Variants in GML observed in about 807,000 individuals in gnomAD.
The protein encoded by GML is glycosylphosphatidylinositol anchored molecule like.
A neutral mutation model predicts 8.2 loss-of-function variants in GML; 5 were observed. The observed-to-expected ratio is 0.61, with a 90% confidence interval of 0.32 to 1.28. The LOEUF (loss-of-function observed/expected upper bound fraction) is 1.28. GML is among the 50% of genes most tolerant of loss of function. The pLI, the probability that GML is intolerant of heterozygous loss-of-function variation, is 0.06. For synonymous variants in GML, 72 were observed against 69.0 expected, an observed-to-expected ratio of 1.04 and a Z score of -0.22; for missense variants, 191 against 198.3, an observed-to-expected ratio of 0.96 and a Z score of 0.22.
chr8:142,837,440 G>A (rs1316834895), intron 1 of GML, among the ~76,000 whole-genome samples: 9 of 152,050 alleles, frequency 5.9e-5, no homozygotes, highest in African/African-American at 4.8e-5. Flanking sequence ...TGGGTGAACC[G>A]AGGCTTAGAG....
At chr8:142,840,012 C>A (rs1049091720) in intron 1 of GML, among the ~76,000 whole-genome samples, 3 of 146,958 alleles carry the variant, frequency 2.0e-5, no homozygotes, top group East Asian at 3.9e-4. Context: ...GAGCGGGAAG[C>A]GCGTCAGTGG....
rs948691460 is a variant in GML, at chr8:142,843,985, G to A, written c.182-2410G>A. On this transcript the variant is annotated intron_variant, in intron 3 of 3. Coordinates refer to ENST00000220940, the MANE Select transcript of GML (RefSeq NM_002066.3). ...GTTTGTGTTTTGACAAGTTGGTGCC[G>A]AATGCTTTTTGAAAATATGAAGGGC... Among the ~76,000 whole-genome samples, 7 of 152,148 alleles carry A rather than the reference G, an allele frequency of 4.6e-5. 1 individual carries two copies. In the East Asian group the frequency reaches 7.7e-4, roughly 17 times the overall value.
At chr8:142,839,950 T>C (rs1816401632) in intron 1 of GML, among the ~76,000 whole-genome samples, 1 of 152,086 alleles carries the variant, frequency 6.6e-6, no homozygotes, top group Non-Finnish European at 1.5e-5. Flanking sequence ...TGTTCTGCCC[T>C]CGCTCCCCTT....
rs373392710 is a variant in GML, at chr8:142,836,511, T to G, written c.-23+1643T>G. 3.3e-5 allele frequency among the ~76,000 whole-genome samples: 5 copies of G among 152,394 alleles called. No individual in the cohort carries two copies. The East Asian group carries it at 5.8e-4, about 18-fold the overall frequency. On this transcript the variant is annotated intron_variant, in intron 1 of 3. Coordinates refer to ENST00000220940, the MANE Select transcript of GML (RefSeq NM_002066.3). Reference sequence around the variant, plus strand: ...CTCATTAGAATTTTTAAAGTACTTGTATGCTAATGTCAACATTTGAGTGAA... The same window carrying G: ...CTCATTAGAATTTTTAAAGTACTTGGATGCTAATGTCAACATTTGAGTGAA...
At chr8:142,840,545 A>G (rs180916516) in intron 2 of GML, 35 bp downstream of exon 2, 3 of 1,457,852 alleles carry the variant, frequency 2.1e-6, no homozygotes, top group East Asian at 4.5e-5. Flanking sequence ...CCTGGAGAGG[A>G]CGAGAATTCA....
At chr8:142,839,651 G>A (rs771489261) in intron 1 of GML, among the ~76,000 whole-genome samples, 5 of 152,172 alleles carry the variant, frequency 3.3e-5, no homozygotes, top group East Asian at 3.9e-4. Flanking sequence ...CCCTTGAGTC[G>A]GGCTGCTGAA....
chr8:142,836,632 G>A (rs1252010654), intron 1 of GML, among the ~76,000 whole-genome samples: 1 of 152,072 alleles, frequency 6.6e-6, no homozygotes, highest in Non-Finnish European at 1.5e-5. Flanking sequence ...ATCTTGCGTT[G>A]CGTACAAAAT....
chr8:142,838,166 C>T (rs1414089991), intron 1 of GML, among the ~76,000 whole-genome samples: 1 of 151,026 alleles, frequency 6.6e-6, no homozygotes, highest in African/African-American at 2.4e-5. Flanking sequence ...GATTGATTTG[C>T]CTGGTTGTCA....
intron 1 of GML, among the ~76,000 whole-genome samples, chr8:142,835,414 GGGT>G (rs1160102530): frequency 1.3e-5 from 2 of 152,202 alleles, no homozygotes; most frequent in Admixed American, 1.3e-4. Flanking sequence ...CCCAAGGCGC[GGGT>G]CTCGGGCCGC....
chr8:142,835,244 C>T (rs1364085616), intron 1 of GML, among the ~76,000 whole-genome samples: 2 of 150,468 alleles, frequency 1.3e-5, no homozygotes, highest in African/African-American at 4.9e-5. Flanking sequence ...GCTCAGGGGT[C>T]CCAGGGAGAT....
intron 1 of GML, among the ~76,000 whole-genome samples, chr8:142,835,993 A>G (rs1225208689): frequency 6.6e-6 from 1 of 152,234 alleles, no homozygotes; most frequent in African/African-American, 2.4e-5. Context: ...GTCTGAAGCC[A>G]TCTTAAGCTT....
At chr8:142,839,407 A>G (rs1435384585) in intron 1 of GML, among the ~76,000 whole-genome samples, 1 of 152,202 alleles carries the variant, frequency 6.6e-6, no homozygotes, top group African/African-American at 2.4e-5. Context: ...CAAAGTGGGT[A>G]CTGGATCCTG....
At chr8:142,845,695 C>T (rs1346907559) in intron 3 of GML, among the ~76,000 whole-genome samples, 1 of 152,196 alleles carries the variant, frequency 6.6e-6, no homozygotes, top group Non-Finnish European at 1.5e-5. Context: ...CATTGGTCAG[C>T]TGAGGCCACT....
At chr8:142,845,791 C>G (rs1044557450) in intron 3 of GML, among the ~76,000 whole-genome samples, 43 of 152,100 alleles carry the variant, frequency 2.8e-4, no homozygotes, top group Non-Finnish European at 2.8e-4. Context: ...AGGGCTTGTC[C>G]ATCGGATAAC....
intron 1 of GML, among the ~76,000 whole-genome samples, chr8:142,839,765 C>T (rs183090763): frequency 4.6e-5 from 7 of 152,236 alleles, no homozygotes; most frequent in South Asian, 2.1e-4. Flanking sequence ...ACCTGGGGGG[C>T]GTTTCTGAGC....
rs1296513575 is a variant in GML at position 142,840,468 on chromosome 8, G to C, written c.31G>C (p.Glu11Gln). Residue 11 changes from glutamate (E) to glutamine (Q), a missense_variant, in exon 2 of 4, where the codon GAG (glutamate) becomes CAG (glutamine). By Grantham distance (29) the Glu-to-Gln change is conservative. Coordinates refer to ENST00000220940, the MANE Select transcript of GML (RefSeq NM_002066.3). MLLFALLLAM[E>Q]LPLVAASATM... is the part of the protein sequence containing the mutation. ...CCTCTTTGCCTTACTCCTAGCCATG[G>C]AGCTCCCATTGGTGGCAGCCAGTGC... 6.2e-7 allele frequency: 1 copy of C among 1,613,726 alleles called. No homozygotes were observed. Among genetic ancestry groups the C allele is most frequent in the Admixed American group, 1.7e-5 (1 of 59,998 alleles).
intron 3 of GML, among the ~76,000 whole-genome samples, chr8:142,843,926 A>G (rs1816470462): frequency 6.6e-6 from 1 of 152,258 alleles, no homozygotes; most frequent in South Asian, 2.1e-4. Flanking sequence ...CTACAAATCC[A>G]AAAGAATTTC....
At chr8:142,836,120 A>G (rs1007141671) in intron 1 of GML, among the ~76,000 whole-genome samples, 2 of 152,192 alleles carry the variant, frequency 1.3e-5, no homozygotes, top group Non-Finnish European at 2.9e-5. Context: ...TGTTCTAGCA[A>G]ATTATCTAGG....
intron 3 of GML, among the ~76,000 whole-genome samples, chr8:142,842,883 G>A (rs1462138440): frequency 2.0e-5 from 3 of 152,160 alleles, no homozygotes; most frequent in Non-Finnish European, 2.9e-5. Context: ...ACCTAGCTCT[G>A]GACTGTTGTT....
Sources: allele counts gnomAD v4.1 joint callset (sites outside exome capture counted in the v4.1 genomes callset), GRCh38; gene constraint gnomAD v4.1.1; transcripts MANE v1.5; gene names NCBI Gene and HGNC (gene_info 2026-07-23, HGNC 2026-07-21).